The following CIRSR variants were observed in gnomAD, a reference collection of about 807,000 sequenced individuals.
CIRSR encodes corepressor of RBPJ and splicing regulator.
chr2:174,387,393 C>T, the CIRSR span: 10 of 229,564 alleles, frequency 4.4e-5, no homozygotes, highest in South Asian at 7.9e-4. Context: ...TGTAAGAGGT[C>T]TCAGCAGTTC....
At chr2:174,388,508 T>A in the CIRSR span, among the ~76,000 whole-genome samples, 1 of 152,194 alleles carries the variant, frequency 6.6e-6, no homozygotes, top group African/African-American at 2.4e-5. Flanking sequence ...GTCCACAGAA[T>A]GCTTTATAGC....
At chr2:174,389,886 G>A in the CIRSR span, among the ~76,000 whole-genome samples, 5 of 152,186 alleles carry the variant, frequency 3.3e-5, no homozygotes, top group African/African-American at 4.8e-5. Flanking sequence ...GGGCCTACAC[G>A]TGCGCAGAAG....
chr2:174,385,590 C>T, the CIRSR span, among the ~76,000 whole-genome samples: 1 of 151,868 alleles, frequency 6.6e-6, no homozygotes, highest in Non-Finnish European at 1.5e-5. Context: ...AAATAAAAGA[C>T]GAGTCTGACC....
the CIRSR span, among the ~76,000 whole-genome samples, chr2:174,391,637 G>T: frequency 6.6e-6 from 1 of 151,978 alleles, no homozygotes; most frequent in Admixed American, 6.6e-5. Context: ...TAGTAGGAGG[G>T]GAGAAGGAGA....
At chr2:174,369,990 A>C in the CIRSR span, 1 of 1,365,276 alleles carries the variant, frequency 7.3e-7, no homozygotes, top group African/African-American at 1.5e-5. Flanking sequence ...GGCTTACCAG[A>C]AACCTTCAAT....
the CIRSR span, among the ~76,000 whole-genome samples, chr2:174,372,479 T>C: frequency 6.6e-6 from 1 of 152,224 alleles, no homozygotes; most frequent in Non-Finnish European, 1.5e-5. Context: ...TGACCAAAGG[T>C]TGTAAACAAT....
the CIRSR span, among the ~76,000 whole-genome samples, chr2:174,381,477 ACT>A: frequency 6.6e-6 from 1 of 152,018 alleles, no homozygotes; most frequent in Non-Finnish European, 1.5e-5. Context: ...ACATGGTGAA[ACT>A]CTGTCTCTAT....
At chr2:174,374,835 T>C in the CIRSR span, among the ~76,000 whole-genome samples, 3 of 152,248 alleles carry the variant, frequency 2.0e-5, no homozygotes, top group South Asian at 2.1e-4. Flanking sequence ...GCATCCTTCC[T>C]GTCATTTAGG....
the CIRSR span, chr2:174,379,065 G>A: frequency 6.5e-7 from 1 of 1,532,862 alleles, no homozygotes; most frequent in Non-Finnish European, 9.0e-7. Flanking sequence ...ATGTGATTTT[G>A]GTTACTAAAA....
the CIRSR span, among the ~76,000 whole-genome samples, chr2:174,383,701 T>C: frequency 4.1e-4 from 48 of 117,286 alleles, no homozygotes; most frequent in African/African-American, 1.3e-3. Flanking sequence ...GGCTGGGTGA[T>C]AGAGTGAGAC....
chr2:174,393,705 A>G, the CIRSR span, among the ~76,000 whole-genome samples: 1 of 151,552 alleles, frequency 6.6e-6, no homozygotes, highest in African/African-American at 2.4e-5. Context: ...AAAAAAAAAA[A>G]CTTTACTGGA....
chr2:174,349,334 C>T, the CIRSR span, among the ~76,000 whole-genome samples: 19 of 151,802 alleles, frequency 1.3e-4, no homozygotes, highest in Admixed American at 1.2e-3. Context: ...TGGGAGGCCA[C>T]GGCGGGCGGA....
chr2:174,375,380 G>T, the CIRSR span, among the ~76,000 whole-genome samples: 1 of 152,126 alleles, frequency 6.6e-6, no homozygotes, highest in Non-Finnish European at 1.5e-5. Flanking sequence ...GGCTGAGGTG[G>T]GATGATCATT....
At chr2:174,370,429 CTTTG>C in the CIRSR span, among the ~76,000 whole-genome samples, 5 of 152,140 alleles carry the variant, frequency 3.3e-5, no homozygotes, top group Non-Finnish European at 7.4e-5. Flanking sequence ...TGTGCAAAAT[CTTTG>C]TTTGCTTGGG....
the CIRSR span, among the ~76,000 whole-genome samples, chr2:174,370,493 A>G: frequency 3.3e-5 from 5 of 152,246 alleles, no homozygotes; most frequent in Non-Finnish European, 7.3e-5. Context: ...TATTTTGACA[A>G]TCTTACTAAC....
chr2:174,377,469 T>G, the CIRSR span, among the ~76,000 whole-genome samples: 1 of 152,154 alleles, frequency 6.6e-6, no homozygotes. Flanking sequence ...CTGACAATAC[T>G]GAGCGAATAA....
At chr2:174,371,748 A>G in the CIRSR span, among the ~76,000 whole-genome samples, 1 of 152,220 alleles carries the variant, frequency 6.6e-6, no homozygotes, top group African/African-American at 2.4e-5. Context: ...TTTATATACT[A>G]AACTAAGAAT....
the CIRSR span, among the ~76,000 whole-genome samples, chr2:174,394,166 A>C: frequency 5.3e-5 from 8 of 152,228 alleles, no homozygotes; most frequent in African/African-American, 1.7e-4. Flanking sequence ...CTTGTAAGAA[A>C]GCTGATACAT....
the CIRSR span, among the ~76,000 whole-genome samples, chr2:174,353,200 G>C: frequency 6.6e-6 from 1 of 152,106 alleles, no homozygotes; most frequent in Admixed American, 6.6e-5. Context: ...AGTTATTAAT[G>C]ATGTCATAGT....
Sources: allele counts gnomAD v4.1 joint callset (sites outside exome capture counted in the v4.1 genomes callset), GRCh38; gene constraint gnomAD v4.1.1; transcripts MANE v1.5; gene names NCBI Gene and HGNC (gene_info 2026-07-23, HGNC 2026-07-21).